NEGR1: variants seen among roughly 807,000 people sequenced by gnomAD.
NEGR1 encodes the protein IgLON family member 4.
A neutral mutation model predicts 40.9 loss-of-function variants in NEGR1; 10 were observed. The observed-to-expected ratio is 0.24, with a 90% confidence interval of 0.15 to 0.42. NEGR1 has a LOEUF of 0.42. NEGR1 is among the 10% of genes least tolerant of loss of function. The pLI is 1.00. For synonymous variants in NEGR1, 185 were observed against 166.8 expected (o/e 1.11, Z -0.84); for missense variants, 352 against 438.9 (o/e 0.80, Z 1.77).
At chr1:71,868,366 T>A (rs1660176242) in intron 2 of NEGR1, among the ~76,000 whole-genome samples, 1 of 152,038 alleles carries the variant, frequency 6.6e-6, no homozygotes, top group Non-Finnish European at 1.5e-5. Flanking sequence ...AGGGAAATCA[T>A]AGAAAGAAAT....
At chr1:71,721,841 C>A (rs1006996649) in intron 3 of NEGR1, among the ~76,000 whole-genome samples, 7 of 151,966 alleles carry the variant, frequency 4.6e-5, no homozygotes, top group Non-Finnish European at 1.0e-4. Flanking sequence ...TAAGTGGAGA[C>A]CTTAATGTCA....
At chr1:71,836,437 A>C (rs4650124) in intron 2 of NEGR1, among the ~76,000 whole-genome samples, 9 of 146,294 alleles carry the variant, frequency 6.2e-5, no homozygotes, top group African/African-American at 1.7e-4. Context: ...TCAAAAAAAA[A>C]ACAAAAAAAC....
At chr1:71,724,524 T>C (rs1405117867) in intron 3 of NEGR1, among the ~76,000 whole-genome samples, 2 of 152,308 alleles carry the variant, frequency 1.3e-5, no homozygotes, top group East Asian at 1.9e-4. Context: ...TGATTTTTCA[T>C]TGGATGGCAT....
At chr1:72,277,932 G>A (rs751285515) in intron 1 of NEGR1, among the ~76,000 whole-genome samples, 12 of 152,012 alleles carry the variant, frequency 7.9e-5, no homozygotes, top group Non-Finnish European at 1.6e-4. Context: ...TTCTCATACA[G>A]AAATCATTTA....
At chr1:72,178,811 A>T (rs1405285115) in intron 1 of NEGR1, among the ~76,000 whole-genome samples, 1 of 151,198 alleles carries the variant, frequency 6.6e-6, no homozygotes, top group Non-Finnish European at 1.5e-5. Context: ...ACTGATATTG[A>T]GCTTTTCTTC....
intron 6 of NEGR1, among the ~76,000 whole-genome samples, chr1:71,412,922 G>T (rs1646332800): frequency 6.6e-6 from 1 of 152,136 alleles, no homozygotes; most frequent in Admixed American, 6.5e-5. Context: ...GACTGATCCT[G>T]TTTGCAGATC....
chr1:72,068,350 C>G (rs1401402847), intron 1 of NEGR1, among the ~76,000 whole-genome samples: 1 of 152,140 alleles, frequency 6.6e-6, no homozygotes, highest in African/African-American at 2.4e-5. Context: ...GCTGGCATCC[C>G]TTCATTGCAA....
At position 71,958,738 on chromosome 1, in the gene NEGR1, G is replaced by A. The variant is rs538513591; in HGVS notation, c.177-23427C>T. Among the ~76,000 whole-genome samples, 190 of 152,170 alleles carry A rather than the reference G, an allele frequency of 1.2e-3. 2 individuals are homozygous for A. Among genetic ancestry groups the A allele is most frequent in the Non-Finnish European group, 1.8e-3 (123 of 68,002 alleles). On this transcript the variant is annotated intron_variant, in intron 1 of 6. Coordinates refer to ENST00000357731, the MANE Select transcript of NEGR1 (RefSeq NM_173808.3). ...GGAGGCTTAGGTGGATGGATGATGA[G>A]GTCAGGAGTTTGAGACCGGCCTGGC...
intron 4 of NEGR1, among the ~76,000 whole-genome samples, chr1:71,638,276 T>G (rs2101570927): frequency 6.6e-6 from 1 of 152,190 alleles, no homozygotes; most frequent in Admixed American, 6.5e-5. Context: ...TCTCATCATA[T>G]GAATCACTTG....
intron 1 of NEGR1, among the ~76,000 whole-genome samples, chr1:72,129,211 C>G (rs943307297): frequency 3.3e-5 from 5 of 151,940 alleles, no homozygotes; most frequent in Non-Finnish European, 7.4e-5. Context: ...TCTACAGAAC[C>G]CTGAGTAATA....
intron 2 of NEGR1, among the ~76,000 whole-genome samples, chr1:71,781,646 C>A (rs933869124): frequency 6.6e-6 from 1 of 152,110 alleles, no homozygotes; most frequent in Non-Finnish European, 1.5e-5. Context: ...ATTGTAACCA[C>A]AATATTCTGG....
chr1:71,583,829 C>G, intron 6 of NEGR1, among the ~76,000 whole-genome samples: 1 of 152,118 alleles, frequency 6.6e-6, no homozygotes, highest in Admixed American at 6.6e-5. Flanking sequence ...GGTTCTTCAG[C>G]AAGAATTATG....
chr1:71,509,317 G>T lies in NEGR1; in HGVS notation c.940+83500C>A, dbSNP rs563116183. On this transcript the variant is annotated intron_variant, in intron 6 of 6. Transcript: ENST00000357731. The stretch of plus-strand genomic sequence containing the variant: ...GTCTGTCATTGCTCTTTCCCACATT[G>T]CAGAGGTCAGATCCCAGAGTAATCC... Among the ~76,000 whole-genome samples, 3 of 152,288 alleles carry T rather than the reference G, an allele frequency of 2.0e-5. No homozygotes were observed. The South Asian group carries it at 6.2e-4, about 32-fold the overall frequency.
intron 3 of NEGR1, among the ~76,000 whole-genome samples, chr1:71,750,031 G>C (rs1655516402): frequency 6.9e-6 from 1 of 145,508 alleles, no homozygotes; most frequent in Non-Finnish European, 1.5e-5. Context: ...CTGTCGCCCA[G>C]GCCGGACTGC....
chr1:71,987,567 C>T (rs956063470), intron 1 of NEGR1, among the ~76,000 whole-genome samples: 9 of 152,144 alleles, frequency 5.9e-5, no homozygotes, highest in Non-Finnish European at 8.8e-5. Context: ...AACATGAAGG[C>T]GCCTAGTGGT....
intron 3 of NEGR1, among the ~76,000 whole-genome samples, chr1:71,761,500 A>T (rs1655940074): frequency 6.6e-6 from 1 of 152,164 alleles, no homozygotes; most frequent in Admixed American, 6.5e-5. Context: ...TGTATTCTTG[A>T]TTGACAGTTT....
intron 1 of NEGR1, among the ~76,000 whole-genome samples, chr1:72,058,537 G>T (rs1647133641): frequency 1.3e-5 from 2 of 151,560 alleles, no homozygotes. Flanking sequence ...CCACAGTTTT[G>T]GCTGTGTCTA....
chr1:71,509,674 A>G (rs1647060058), intron 6 of NEGR1, among the ~76,000 whole-genome samples: 1 of 152,196 alleles, frequency 6.6e-6, no homozygotes, highest in South Asian at 2.1e-4. Flanking sequence ...ATCCCAATAT[A>G]TATGTTAACT....
intron 4 of NEGR1, among the ~76,000 whole-genome samples, chr1:71,665,212 T>C (rs1010538714): frequency 1.7e-4 from 26 of 152,236 alleles, no homozygotes; most frequent in Admixed American, 1.4e-3. Context: ...TTTCTAAAAC[T>C]ATAGTTTTCT....
Sources: gnomAD v4.1 joint callset for allele counts (sites outside exome capture counted in the v4.1 genomes callset) on GRCh38, gnomAD v4.1.1 for gene constraint, MANE v1.5 for transcripts, NCBI Gene and HGNC (gene_info 2026-07-23, HGNC 2026-07-21) for gene names.